ZDHHC15: variants seen among roughly 807,000 people sequenced by gnomAD.
ZDHHC15 encodes zDHHC palmitoyltransferase 15, also known as palmitoyltransferase ZDHHC15.
Under a neutral mutation model 31.7 loss-of-function variants are expected in ZDHHC15, and 19 were observed. That is an observed-to-expected ratio of 0.60 (90% CI 0.42 to 0.88). The LOEUF (loss-of-function observed/expected upper bound fraction) is 0.88, where lower values mean the gene tolerates loss of function less well. Ranked by LOEUF, ZDHHC15 falls within the 40% of genes least tolerant of loss-of-function variation. The pLI is 0.00. For synonymous variants in ZDHHC15, 103 were observed against 90.0 expected (o/e 1.14, Z -0.82); for missense variants, 209 against 251.2 (o/e 0.83, Z 1.14).
rs777213441 is a variant in ZDHHC15 at position 75,485,428 on chromosome X, G to A, written c.164-6443C>T. Among the ~76,000 whole-genome samples, 3 of 111,106 alleles carry A rather than the reference G, an allele frequency of 2.7e-5. No homozygotes were observed. The East Asian group carries it at 8.5e-4, about 32-fold the overall frequency. On this transcript the variant is annotated intron_variant, in intron 2 of 11. Transcript: ENST00000373367. ...TGAAAGCTGTGTTGATAGGTACACA[G>A]CTATGGTGGGAAGCAAAATCATGAC...
intron 3 of ZDHHC15, among the ~76,000 whole-genome samples, chrX:75,467,960 G>A (rs1056788695): frequency 1.8e-5 from 2 of 110,719 alleles, no homozygotes; most frequent in Admixed American, 1.9e-4. Flanking sequence ...CTGTCTCTAT[G>A]GATTTGCCTT....
In ZDHHC15 at chrX:75,369,916, T is replaced by C. The variant is rs761492289; in HGVS notation, c.*3062A>G. The stretch of plus-strand genomic sequence containing the variant: ...CCCTGCATAAGACAGCTGTGTTCCA[T>C]TGGGGACCACTTAATCTCTTTTCCC... On this transcript the variant is annotated 3_prime_UTR_variant, in exon 12 of 12. Coordinates refer to ENST00000373367, the MANE Select transcript of ZDHHC15 (RefSeq NM_144969.3). 2.7e-5 allele frequency: 3 copies of C among 111,613 alleles called. No individual in the cohort carries two copies. The highest frequency in any genetic ancestry group is 9.5e-5 in the Admixed American group (1 of 10,539). The allele number at this position is 111,613 out of a possible 1,213,427, so 9.2% of individuals were successfully genotyped here.
At chrX:75,432,932 C>T (rs1477230307) in intron 4 of ZDHHC15, among the ~76,000 whole-genome samples, 1 of 111,005 alleles carries the variant, frequency 9.0e-6, no homozygotes, top group Non-Finnish European at 1.9e-5. Flanking sequence ...TGCTGTGATC[C>T]ATGAATGAAC....
chrX:75,414,737 CA>C (rs765774983), intron 10 of ZDHHC15, among the ~76,000 whole-genome samples: 50 of 98,396 alleles, frequency 5.1e-4, no homozygotes, highest in African/African-American at 1.7e-3. Context: ...CACGCCCAGC[CA>C]AAAGTTTGTT....
At chrX:75,496,552 T>C (rs2085002940) in intron 2 of ZDHHC15, among the ~76,000 whole-genome samples, 1 of 111,779 alleles carries the variant, frequency 8.9e-6, no homozygotes, top group Non-Finnish European at 1.9e-5. Context: ...CTGCAGAATA[T>C]ACATTCTTTT....
intron 3 of ZDHHC15, among the ~76,000 whole-genome samples, chrX:75,456,838 G>A (rs745321092): frequency 3.7e-4 from 41 of 111,244 alleles, no homozygotes; most frequent in Middle Eastern, 4.7e-3. Flanking sequence ...CCCTGTCAAG[G>A]CCACATACTG....
intron 3 of ZDHHC15, among the ~76,000 whole-genome samples, chrX:75,466,186 C>T (rs1271560977): frequency 8.9e-6 from 1 of 112,031 alleles, no homozygotes; most frequent in Non-Finnish European, 1.9e-5. Context: ...CCAAAACAAA[C>T]ATGTAAAAAA....
chrX:75,422,407 T>G (rs891253189), intron 8 of ZDHHC15, among the ~76,000 whole-genome samples: 2 of 111,729 alleles, frequency 1.8e-5, no homozygotes, highest in African/African-American at 6.5e-5. Flanking sequence ...TAATGACACA[T>G]AAAGAGATGG....
At chrX:75,513,783 A>C (rs2055847267) in intron 1 of ZDHHC15, among the ~76,000 whole-genome samples, 1 of 111,564 alleles carries the variant, frequency 9.0e-6, no homozygotes, top group African/African-American at 3.3e-5. Context: ...CAAATAGAAT[A>C]AACTAAAAGA....
intron 8 of ZDHHC15, 132 bp downstream of exon 8, chrX:75,424,520 T>C (rs2083688295): frequency 4.7e-6 from 3 of 634,113 alleles, no homozygotes; most frequent in African/African-American, 4.7e-5. Context: ...TATTTTCATC[T>C]GTCTCAGTCT....
chrX:75,518,309 A>C, intron 1 of ZDHHC15, among the ~76,000 whole-genome samples: 1 of 111,687 alleles, frequency 9.0e-6, no homozygotes, highest in South Asian at 3.7e-4. Flanking sequence ...CCATTTAAAA[A>C]ATGGACAATG....
At chrX:75,510,535 T>C (rs2085248217) in intron 1 of ZDHHC15, among the ~76,000 whole-genome samples, 1 of 30,204 alleles carries the variant, frequency 3.3e-5, no homozygotes, top group South Asian at 1.1e-3. Context: ...GAAAATTTCT[T>C]TTTTTTTTTT....
At chrX:75,388,132 C>A (rs747083729) in intron 10 of ZDHHC15, among the ~76,000 whole-genome samples, 3 of 111,916 alleles carry the variant, frequency 2.7e-5, no homozygotes, top group Admixed American at 9.5e-5. Context: ...AAGTCTTTCC[C>A]GGATAAACAA....
chrX:75,440,921 T>C (rs1429388108), intron 4 of ZDHHC15, among the ~76,000 whole-genome samples: 1 of 111,440 alleles, frequency 9.0e-6, no homozygotes, highest in East Asian at 2.8e-4. Flanking sequence ...TATGGCTGCC[T>C]CTGCTACATC....
At chrX:75,464,832 A>C (rs771824519) in intron 3 of ZDHHC15, among the ~76,000 whole-genome samples, 3 of 112,049 alleles carry the variant, frequency 2.7e-5, no homozygotes, top group Non-Finnish European at 3.8e-5. Flanking sequence ...ATTTATCACA[A>C]AGCCACAGGT....
At chrX:75,487,721 A>G (rs1471852568) in intron 2 of ZDHHC15, among the ~76,000 whole-genome samples, 1 of 112,405 alleles carries the variant, frequency 8.9e-6, no homozygotes, top group Admixed American at 9.5e-5. Context: ...AAGGTTGATT[A>G]TTAAGCTACT....
chrX:75,463,983 C>T (rs768559784), intron 3 of ZDHHC15, among the ~76,000 whole-genome samples: 20 of 111,656 alleles, frequency 1.8e-4, no homozygotes, highest in African/African-American at 4.2e-4. Context: ...GACACACGCA[C>T]GCGTATGTTT....
intron 1 of ZDHHC15, among the ~76,000 whole-genome samples, chrX:75,510,828 T>C (rs1305938426): frequency 1.5e-5 from 1 of 67,534 alleles, no homozygotes; most frequent in East Asian, 5.5e-4. Context: ...TATGCGGTGT[T>C]TGGTTTTTTG....
At chrX:75,495,183 C>G (rs1205095379) in intron 2 of ZDHHC15, among the ~76,000 whole-genome samples, 2 of 112,165 alleles carry the variant, frequency 1.8e-5, no homozygotes, top group African/African-American at 6.5e-5. Context: ...TGAAAAAATG[C>G]TTATCATCAC....
Sources: allele counts gnomAD v4.1 joint callset (sites outside exome capture counted in the v4.1 genomes callset), GRCh38; gene constraint gnomAD v4.1.1; transcripts MANE v1.5; gene names NCBI Gene and HGNC (gene_info 2026-07-23, HGNC 2026-07-21).